Variants in SRCAP observed in about 807,000 individuals in gnomAD.
The protein encoded by SRCAP is Snf2 related CREBBP activator protein.
In SRCAP, 46 loss-of-function variants were observed where a neutral mutation model predicts 263.1. The observed-to-expected ratio is 0.17, with a 90% CI of 0.14 to 0.22. The LOEUF is 0.22. Ranked by LOEUF, SRCAP falls within the 10% of genes least tolerant of loss-of-function variation. The pLI, the probability that SRCAP is intolerant of heterozygous loss-of-function variation, is 1.00. For missense variants in SRCAP, 3,695 were observed against 4,181.9 expected, an observed-to-expected ratio of 0.88 and a Z score of 3.21; for synonymous variants, 1,813 against 1,662.1, an observed-to-expected ratio of 1.09 and a Z score of -2.21.
Position 30,739,190 on chromosome 16 carries a change from T to A in SRCAP, c.9150T>A (p.Ser3050Arg), listed in dbSNP as rs557654038. The stretch of plus-strand genomic sequence containing the variant: ...GGCAACCCCAGGGCCAAGGGGAGAG[T>A]GAGGGTAGTTCCTCTGATGAGGATG... ...RRRQPQGQGE[S>R]EGSSSDEDGS... Residue 3050 changes from serine (S) to arginine (R), a missense_variant, in exon 34 of 34, where the codon AGT (serine) becomes AGA (arginine). Around this residue, in one of 12 missense-constraint regions of SRCAP, gnomAD observed 1,207 missense variants for 1,142.9 expected, o/e 1.06. Transcript: ENST00000262518. The A allele has an allele frequency of 9.3e-6, 15 of 1,613,184 alleles. No individual in the cohort carries two copies. The highest frequency in any genetic ancestry group is 2.7e-5 in the African/African-American group (2 of 74,806).
chr16:30,734,430 C>T (rs2053140168), intron 30 of SRCAP, 66 bp from the exon 31 acceptor site: 4 of 1,602,168 alleles, frequency 2.5e-6, no homozygotes, highest in Non-Finnish European at 3.4e-6. Context: ...AACCATCAGC[C>T]TTACAGCTTA....
chr16:30,724,064 C>G lies in SRCAP; in HGVS notation c.4640C>G (p.Pro1547Arg), dbSNP rs777915633. ...TCAACCGTGGCCCCAGCATGCTCAC[C>G]TGTCCTGGTGCCAGCTTCGGCTCTG... The part of the protein sequence containing the change: ...LNSTVAPACS[P>R]VLVPASALAS... Residue 1547 changes from proline (P) to arginine (R), a missense_variant, in exon 25 of 34, where the codon CCT (proline) becomes CGT (arginine). By Grantham distance (103) the Pro-to-Arg change is moderately radical. Coordinates refer to ENST00000262518, the MANE Select transcript of SRCAP (RefSeq NM_006662.3). The G allele has an allele frequency of 1.3e-5, 21 of 1,613,746 alleles. No homozygotes were observed. Among genetic ancestry groups the G allele is most frequent in the Non-Finnish European group, 1.8e-5 (21 of 1,180,026 alleles).
intron 10 of SRCAP, 144 bp downstream of exon 10, chr16:30,711,232 A>G (rs866315794): frequency 2.9e-6 from 2 of 689,540 alleles, no homozygotes; most frequent in Middle Eastern, 3.6e-4. Flanking sequence ...TAAACCAGTA[A>G]TGATAAGTAG....
chr16:30,739,856 TC>T lies in SRCAP; in HGVS notation c.*126del. On this transcript the variant is annotated 3_prime_UTR_variant, in exon 34 of 34. Transcript: ENST00000262518. Reference sequence around the variant, plus strand: ...CCTCCAGGGAGACATAGGGGCCTTCTCCCTTCTTCCCACCAAAGTAGGGGGT... The same window carrying T: ...CCTCCAGGGAGACATAGGGGCCTTCTCCTTCTTCCCACCAAAGTAGGGGGT... 7.3e-7 allele frequency: 1 copy of T among 1,378,720 alleles called. No homozygotes were observed. The highest frequency in any genetic ancestry group is 1.8e-5 in the South Asian group (1 of 57,064). 85.4% of individuals were successfully genotyped at this position (1,378,720 alleles called of 1,614,324 possible).
At chr16:30,702,246 G>A (rs978160816) in intron 3 of SRCAP, among the ~76,000 whole-genome samples, 4 of 151,118 alleles carry the variant, frequency 2.6e-5, no homozygotes, top group Non-Finnish European at 5.9e-5. Context: ...GAACCACCGC[G>A]CCTGGCCCAG....
intron 18 of SRCAP, 152 bp downstream of exon 18, chr16:30,716,631 C>A: frequency 2.8e-6 from 2 of 726,328 alleles, no homozygotes; most frequent in South Asian, 3.9e-5. Context: ...TGTGACTTAA[C>A]GATGGTTCAA....
In SRCAP at chr16:30,724,839, C is replaced by T. The variant is rs1437259512; in HGVS notation, c.5415C>T (p.Thr1805=). ...CCCTGGGCCCGGCCGCAGCTCAGACCTTGGCGCTGGCCCCAGCCTCCACAC... is the reference window on the plus strand; with the variant it reads ...CCCTGGGCCCGGCCGCAGCTCAGACTTTGGCGCTGGCCCCAGCCTCCACAC... The part of the protein sequence containing the change: ...VPTLGPAAAQ[T]LALAPASTQS... The change falls in exon 25 of 34, where the codon ACC becomes ACT. Residue 1805 remains threonine (T), a synonymous_variant. Transcript: ENST00000262518. 9 of 1,613,918 alleles carry T rather than the reference C, an allele frequency of 5.6e-6. No homozygotes were observed. In the East Asian group the frequency reaches 1.1e-4, roughly 20 times the overall value.
chr16:30,711,776 G>C (rs1401532334), intron 11 of SRCAP, 32 bp downstream of exon 11: 1 of 1,610,310 alleles, frequency 6.2e-7, no homozygotes, highest in East Asian at 2.2e-5. Context: ...AGGAGCTGGG[G>C]AGGGTGGCCA....
At chr16:30,735,567 CTTT>C (rs10663863) in intron 31 of SRCAP, among the ~76,000 whole-genome samples, 3 of 69,584 alleles carry the variant, frequency 4.3e-5, no homozygotes, top group Non-Finnish European at 5.0e-5. Context: ...TTTGACATTA[CTTT>C]TTTTTTTTTT....
At chr16:30,704,527 C>G (rs753540172) in intron 4 of SRCAP, among the ~76,000 whole-genome samples, 3 of 151,992 alleles carry the variant, frequency 2.0e-5, no homozygotes, top group South Asian at 2.1e-4. Context: ...AGTTTATAGG[C>G]TATTAAGAGG....
At chr16:30,704,010 ACACT>A (rs2052797961) in intron 3 of SRCAP, 50 bp from the exon 4 acceptor site, 6 of 1,540,340 alleles carry the variant, frequency 3.9e-6, no homozygotes, top group Non-Finnish European at 5.3e-6. Context: ...TGTATCTAAA[ACACT>A]CAGCACAGTG....
chr16:30,722,020 G>A, intron 21 of SRCAP, 102 bp from the exon 22 acceptor site: 3 of 1,436,582 alleles, frequency 2.1e-6, no homozygotes, highest in South Asian at 2.7e-5. Context: ...GGGCTTAGTT[G>A]TTTGAACTGG....
chr16:30,728,866 C>T, intron 25 of SRCAP, 100 bp from the exon 26 acceptor site: 1 of 1,378,170 alleles, frequency 7.3e-7, no homozygotes, highest in South Asian at 1.6e-5. Context: ...TTTTTGGATC[C>T]CATGGTTTCT....
At position 30,724,988 on chromosome 16, in the gene SRCAP, C is replaced by G. The variant is rs754852942; in HGVS notation, c.5564C>G (p.Ser1855Cys). The change falls in exon 25 of 34, where the codon TCT (serine) becomes TGT (cysteine). Residue 1855 changes from serine (S) to cysteine (C), a missense_variant. This residue lies in a region of SRCAP where 1,347 missense variants were observed against 1,304.4 expected (regional missense o/e 1.03). Transcript: ENST00000262518. ...KDEPDTLTLRSGPPSPPSTAT... is the reference protein window; with the variant it reads ...KDEPDTLTLRCGPPSPPSTAT... ...GAGCCTGACACACTGACATTGCGCTCTGGTCCCCCCAGCCCTCCCTCCACT... is the reference window on the plus strand; with the variant it reads ...GAGCCTGACACACTGACATTGCGCTGTGGTCCCCCCAGCCCTCCCTCCACT... The G allele has an allele frequency of 1.2e-6, 2 of 1,614,234 alleles. No individual in the cohort carries two copies. Among genetic ancestry groups the G allele is most frequent in the Non-Finnish European group, 1.7e-6 (2 of 1,180,046 alleles).
chr16:30,705,423 G>A (rs913178415), intron 4 of SRCAP, among the ~76,000 whole-genome samples: 2 of 152,150 alleles, frequency 1.3e-5, no homozygotes, highest in South Asian at 2.1e-4. Flanking sequence ...TGTTGAGACG[G>A]AGTCTCGCTC....
At chr16:30,703,969 A>G (rs1684418993) in intron 3 of SRCAP, 95 bp from the exon 4 acceptor site, 7 of 1,429,034 alleles carry the variant, frequency 4.9e-6, no homozygotes, top group Non-Finnish European at 5.7e-6. Context: ...TACTCTACAC[A>G]GTTTTTTCTT....
chr16:30,713,235 G>T lies in SRCAP; in HGVS notation c.2158G>T (p.Val720Leu). ...QGWTKPNAFH[V>L]CITSYKLVLQ... Reference sequence around the variant, plus strand: ...CTGGACCAAGCCCAATGCCTTTCATGTGTGTATCACATCTTACAAGCTGGT... The same window carrying T: ...CTGGACCAAGCCCAATGCCTTTCATTTGTGTATCACATCTTACAAGCTGGT... Residue 720 changes from valine (V) to leucine (L), a missense_variant, in exon 15 of 34, where the codon GTG (valine) becomes TTG (leucine). Physicochemically the swap from Val to Leu is conservative, Grantham distance 32. Around this residue, in one of 12 missense-constraint regions of SRCAP, gnomAD observed 121 missense variants for 330.7 expected, o/e 0.37. Transcript: ENST00000262518. 6.2e-7 allele frequency: 1 copy of T among 1,614,082 alleles called. No individual in the cohort carries two copies. Among genetic ancestry groups the T allele is most frequent in the Non-Finnish European group, 8.5e-7 (1 of 1,180,044 alleles).
At chr16:30,725,605 T>C (rs1374914167) in intron 25 of SRCAP, 1 of 153,626 alleles carries the variant, frequency 6.5e-6, no homozygotes, top group African/African-American at 2.4e-5. Context: ...ACCAGTGCCA[T>C]TGACTCCACC....
intron 33 of SRCAP, 43 bp from the exon 34 acceptor site, chr16:30,737,006 C>G: frequency 6.5e-7 from 1 of 1,536,766 alleles, no homozygotes; most frequent in Non-Finnish European, 8.8e-7. Context: ...ACTCTCTACT[C>G]TGCTTGCCTC....
Sources: allele counts gnomAD v4.1 joint callset (sites outside exome capture counted in the v4.1 genomes callset), GRCh38; gene constraint gnomAD v4.1.1; regional missense constraint gnomAD v4.1.1; transcripts MANE v1.5; gene names NCBI Gene and HGNC (gene_info 2026-07-23, HGNC 2026-07-21).